LGSN: variants seen among roughly 807,000 people sequenced by gnomAD.
LGSN encodes lengsin.
LGSN carries 21 observed loss-of-function variants against 19.5 expected under a neutral mutation model. That is an observed-to-expected ratio of 1.07 (90% CI 0.76 to 1.55). The LOEUF is 1.55. LGSN is among the 40% of genes most tolerant of loss of function. The pLI, the probability that LGSN is intolerant of heterozygous loss-of-function variation, is 0.00. For missense variants in LGSN, 673 were observed against 608.5 expected (o/e 1.11, Z -1.12); for synonymous variants, 257 against 215.6 (o/e 1.19, Z -1.68).
the LGSN span, among the ~76,000 whole-genome samples, chr6:63,480,946 T>TAC: frequency 6.3e-5 from 2 of 31,624 alleles, no homozygotes; most frequent in Non-Finnish European, 1.2e-4. Flanking sequence ...AAATGATATA[T>TAC]ATATATATAT....
At chr6:63,499,953 A>T in the LGSN span, among the ~76,000 whole-genome samples, 1 of 152,206 alleles carries the variant, frequency 6.6e-6, no homozygotes, top group Non-Finnish European at 1.5e-5. Context: ...TTAACAATCC[A>T]GGTAATGACA....
intron 1 of LGSN, among the ~76,000 whole-genome samples, chr6:63,296,494 A>T (rs1767981100): frequency 6.6e-6 from 1 of 150,916 alleles, no homozygotes; most frequent in Admixed American, 6.6e-5. Flanking sequence ...ATTTATTTTT[A>T]TTTATTTATT....
At chr6:63,400,389 A>C in the LGSN span, among the ~76,000 whole-genome samples, 3 of 152,224 alleles carry the variant, frequency 2.0e-5, no homozygotes, top group Non-Finnish European at 4.4e-5. Flanking sequence ...ATAGGAATAT[A>C]GCAGAGGTCC....
the LGSN span, chr6:63,392,151 C>T: frequency 3.9e-5 from 6 of 152,256 alleles, no homozygotes; most frequent in African/African-American, 1.2e-4. Flanking sequence ...AGGTCAAAGA[C>T]GCCCAGGCCA....
chr6:63,482,080 A>G, the LGSN span, among the ~76,000 whole-genome samples: 2 of 152,000 alleles, frequency 1.3e-5, no homozygotes, highest in Non-Finnish European at 2.9e-5. Context: ...ATTCAACAGA[A>G]CTCCATCCTT....
chr6:63,428,023 G>A, the LGSN span, among the ~76,000 whole-genome samples: 3 of 151,896 alleles, frequency 2.0e-5, no homozygotes, highest in East Asian at 1.9e-4. Context: ...ATTAAATTAC[G>A]CTGTTTTTAT....
intron 2 of LGSN, among the ~76,000 whole-genome samples, chr6:63,292,360 C>T (rs772908528): frequency 1.3e-5 from 2 of 152,184 alleles, no homozygotes; most frequent in East Asian, 1.9e-4. Context: ...CCTGTGTGTA[C>T]TAAAGGATTT....
chr6:63,483,190 A>G, the LGSN span, among the ~76,000 whole-genome samples: 2 of 152,332 alleles, frequency 1.3e-5, no homozygotes, highest in Admixed American at 1.3e-4. Flanking sequence ...AGAAATTTAG[A>G]GAAAGGCAAC....
the LGSN span, among the ~76,000 whole-genome samples, chr6:63,560,516 C>T: frequency 1.3e-5 from 2 of 151,546 alleles, no homozygotes; most frequent in South Asian, 2.1e-4. Context: ...GATTCTCCTG[C>T]CTCAGCCACC....
At chr6:63,451,640 T>C in the LGSN span, among the ~76,000 whole-genome samples, 1 of 152,164 alleles carries the variant, frequency 6.6e-6, no homozygotes, top group East Asian at 1.9e-4. Context: ...GAAAAATAAC[T>C]AATGGGTACA....
chr6:63,314,349 C>T (rs1375648893), intron 1 of LGSN, among the ~76,000 whole-genome samples: 1 of 152,150 alleles, frequency 6.6e-6, no homozygotes, highest in East Asian at 1.9e-4. Flanking sequence ...TCACTACATG[C>T]TAGATCTGCC....
the LGSN span, among the ~76,000 whole-genome samples, chr6:63,463,132 C>A: frequency 7.5e-4 from 114 of 152,214 alleles, no homozygotes; most frequent in Non-Finnish European, 1.2e-3. Context: ...GTAACGTTGG[C>A]AAATATCTTA....
the LGSN span, among the ~76,000 whole-genome samples, chr6:63,326,980 G>A: frequency 3.3e-5 from 5 of 152,334 alleles, no homozygotes; most frequent in East Asian, 3.9e-4. Flanking sequence ...GAGAGCGAGC[G>A]AGGGCTGTGA....
At chr6:63,335,786 A>G in the LGSN span, among the ~76,000 whole-genome samples, 1 of 152,236 alleles carries the variant, frequency 6.6e-6, no homozygotes, top group Admixed American at 6.5e-5. Flanking sequence ...AAAAAATAGA[A>G]CTACCGTACA....
At chr6:63,389,204 A>G in the LGSN span, among the ~76,000 whole-genome samples, 1 of 152,214 alleles carries the variant, frequency 6.6e-6, no homozygotes, top group Admixed American at 6.5e-5. Flanking sequence ...GAAAGTGAAA[A>G]AGCTATGATA....
the LGSN span, among the ~76,000 whole-genome samples, chr6:63,367,856 C>G: frequency 1.3e-5 from 2 of 151,808 alleles, no homozygotes; most frequent in Non-Finnish European, 2.9e-5. Context: ...AAACTAAACA[C>G]TGCATGTTCT....
intron 2 of LGSN, among the ~76,000 whole-genome samples, chr6:63,290,868 A>G (rs541031930): frequency 6.6e-5 from 10 of 152,346 alleles, no homozygotes; most frequent in South Asian, 2.1e-4. Flanking sequence ...CAGTTTTCTC[A>G]TGACCAGAAC....
the LGSN span, among the ~76,000 whole-genome samples, chr6:63,414,570 T>A: frequency 3.9e-5 from 6 of 152,368 alleles, no homozygotes; most frequent in African/African-American, 1.4e-4. Flanking sequence ...CTAATAAAAT[T>A]GTACATATTA....
the LGSN span, among the ~76,000 whole-genome samples, chr6:63,380,539 T>C: frequency 6.6e-6 from 1 of 152,212 alleles, no homozygotes; most frequent in South Asian, 2.1e-4. Context: ...TCTTATGTGA[T>C]TGACTTGATA....
Sources: allele counts gnomAD v4.1 joint callset (sites outside exome capture counted in the v4.1 genomes callset), GRCh38; gene constraint gnomAD v4.1.1; transcripts MANE v1.5; gene names NCBI Gene and HGNC (gene_info 2026-07-23, HGNC 2026-07-21).